Variants in ENPP3 observed in about 807,000 individuals in gnomAD.
The protein encoded by ENPP3 is ectonucleotide pyrophosphatase/phosphodiesterase 3, also known as ectonucleotide pyrophosphatase/phosphodiesterase family member 3.
Under a neutral mutation model 117.8 loss-of-function variants are expected in ENPP3, and 104 were observed. The ratio of observed to expected loss-of-function variants is 0.88; its 90% CI spans 0.75 to 1.04. The LOEUF (loss-of-function observed/expected upper bound fraction) is 1.04, where lower values mean the gene tolerates loss of function less well. Ranked by LOEUF, ENPP3 falls within the 50% of genes least tolerant of loss-of-function variation. The pLI is 0.00. For synonymous variants in ENPP3, 380 were observed against 349.9 expected (o/e 1.09, Z -0.96); for missense variants, 1,026 against 1,051.9 (o/e 0.98, Z 0.34).
At chr6:131,702,213 G>A (rs1295885148) in intron 15 of ENPP3, among the ~76,000 whole-genome samples, 5 of 151,972 alleles carry the variant, frequency 3.3e-5, no homozygotes, top group Non-Finnish European at 5.9e-5. Context: ...ACATGTCAAA[G>A]TCTTAAAACC....
At chr6:131,644,368 C>A (rs1459810660) in intron 2 of ENPP3, among the ~76,000 whole-genome samples, 2 of 152,126 alleles carry the variant, frequency 1.3e-5, no homozygotes. Context: ...GTAGAGAGAC[C>A]AATCAGGAGA....
At chr6:131,694,537 A>G (rs1488156843) in intron 15 of ENPP3, among the ~76,000 whole-genome samples, 1 of 152,198 alleles carries the variant, frequency 6.6e-6, no homozygotes, top group African/African-American at 2.4e-5. Flanking sequence ...TAGAATGACA[A>G]TGGCAATACA....
At chr6:131,663,494 C>G (rs553080172) in intron 6 of ENPP3, among the ~76,000 whole-genome samples, 2 of 142,938 alleles carry the variant, frequency 1.4e-5, no homozygotes, top group Admixed American at 7.2e-5. Flanking sequence ...CAAGATCAGC[C>G]TGAGCAACAA....
intron 1 of ENPP3, among the ~76,000 whole-genome samples, chr6:131,638,968 A>G (rs765542145): frequency 2.0e-5 from 3 of 151,740 alleles, no homozygotes; most frequent in Non-Finnish European, 2.9e-5. Context: ...GCCTGTTTCA[A>G]ATGCCTGCTT....
chr6:131,737,355 C>A lies in ENPP3; in HGVS notation c.2090C>A (p.Ala697Asp). 1.9e-6 allele frequency: 3 copies of A among 1,602,920 alleles called. No homozygotes were observed. Among genetic ancestry groups the A allele is most frequent in the Non-Finnish European group, 2.6e-6 (3 of 1,172,072 alleles). Reference protein sequence around the residue: ...NITHGFLYPPASNRTSDSQYD... With the variant: ...NITHGFLYPPDSNRTSDSQYD... ...CTAATAAGATCCATTTGTTTTGCAG[C>A]CAGCAATAGAACATCAGATAGCCAA... is the stretch of plus-strand genomic sequence containing the variant. The change falls in exon 22 of 25, where the codon GCC (alanine) becomes GAC (aspartate). Residue 697 changes from alanine to aspartate, a missense_variant and splice_region_variant. Ala to Asp is a moderately radical substitution (Grantham distance 126). Transcript: ENST00000357639.
chr6:131,679,344 C>G (rs1167082766), intron 11 of ENPP3, among the ~76,000 whole-genome samples: 1 of 151,984 alleles, frequency 6.6e-6, no homozygotes, highest in Non-Finnish European at 1.5e-5. Context: ...ATCCACCTGC[C>G]TCAGCCTCCC....
At chr6:131,727,329 G>T (rs1375223404) in intron 20 of ENPP3, among the ~76,000 whole-genome samples, 1 of 152,162 alleles carries the variant, frequency 6.6e-6, no homozygotes, top group Non-Finnish European at 1.5e-5. Context: ...GCCGAGGCAG[G>T]TGGATTACCT....
At chr6:131,661,821 A>G (rs1778507072) in intron 6 of ENPP3, among the ~76,000 whole-genome samples, 1 of 152,146 alleles carries the variant, frequency 6.6e-6, no homozygotes, top group South Asian at 2.1e-4. Flanking sequence ...ACATGGTTTG[A>G]AAGTGTTTTC....
At chr6:131,667,440 C>T (rs1399154410) in intron 6 of ENPP3, among the ~76,000 whole-genome samples, 2 of 152,160 alleles carry the variant, frequency 1.3e-5, no homozygotes, top group Non-Finnish European at 2.9e-5. Context: ...TGGTGAGTGC[C>T]TGTGTGCTCG....
chr6:131,697,846 G>A lies in ENPP3; in HGVS notation c.1412+4222G>A, dbSNP rs535807347. Among the ~76,000 whole-genome samples, 6 of 152,146 alleles carry A rather than the reference G, an allele frequency of 3.9e-5. No individual in the cohort carries two copies. In the South Asian group the frequency reaches 1.3e-3, roughly 32 times the overall value. Reference sequence around the variant, plus strand: ...TGTGGGTCCATGGCCCAGGGGTTGGGGACCCCTAGTCTAGTGTGAAACAGG... The same window carrying A: ...TGTGGGTCCATGGCCCAGGGGTTGGAGACCCCTAGTCTAGTGTGAAACAGG... On this transcript the variant is annotated intron_variant, in intron 15 of 24. Transcript: ENST00000357639.
chr6:131,650,519 G>A (rs911932991), intron 3 of ENPP3, among the ~76,000 whole-genome samples: 6 of 152,106 alleles, frequency 3.9e-5, no homozygotes, highest in African/African-American at 1.4e-4. Context: ...CACTATGCCA[G>A]GGCTGTGTCC....
chr6:131,690,306 T>C (rs971828760), intron 14 of ENPP3, among the ~76,000 whole-genome samples: 1 of 152,146 alleles, frequency 6.6e-6, no homozygotes, highest in Non-Finnish European at 1.5e-5. Context: ...TTCATTTCTG[T>C]CTCATTTTAA....
intron 24 of ENPP3, among the ~76,000 whole-genome samples, chr6:131,745,732 G>A (rs565030295): frequency 3.3e-5 from 5 of 152,274 alleles, no homozygotes; most frequent in African/African-American, 1.2e-4. Context: ...CAAAGATGTG[G>A]GGAAATGGGA....
chr6:131,693,414 T>A (rs1250027311), intron 14 of ENPP3, 83 bp from the exon 15 acceptor site: 11 of 1,251,290 alleles, frequency 8.8e-6, no homozygotes, highest in Non-Finnish European at 1.2e-5. Context: ...AAAAGGTGCT[T>A]CATAAATTGA....
In ENPP3 at chr6:131,724,088, G is replaced by GA. The variant is rs1780096316; in HGVS notation, c.1798dup (p.Ile600AsnfsTer15). 1.2e-6 allele frequency: 2 copies of GA among 1,606,988 alleles called. No homozygotes were observed. Among genetic ancestry groups the GA allele is most frequent in the Non-Finnish European group, 1.7e-6 (2 of 1,174,098 alleles). ...TCAGATGCTAAATCTCACCCAAGAA[G>GA]AAAGTAAGTCAATAGAAAACATGTT... On this transcript the variant is annotated frameshift_variant, in exon 19 of 25. Transcript: ENST00000357639. LOFTEE classifies it high-confidence loss of function.
chr6:131,717,346 C>CG (rs1183549477), intron 15 of ENPP3, among the ~76,000 whole-genome samples: 17 of 91,264 alleles, frequency 1.9e-4, no homozygotes, highest in African/African-American at 3.6e-4. Flanking sequence ...AGAAACCCTG[C>CG]GGGGGGTGTG....
intron 2 of ENPP3, among the ~76,000 whole-genome samples, chr6:131,648,766 A>G (rs993733643): frequency 6.6e-6 from 1 of 152,202 alleles, no homozygotes; most frequent in Admixed American, 6.5e-5. Flanking sequence ...ATCATAGGGA[A>G]TTATAGATAA....
intron 14 of ENPP3, among the ~76,000 whole-genome samples, chr6:131,691,568 G>C: frequency 6.9e-6 from 1 of 145,718 alleles, no homozygotes; most frequent in Non-Finnish European, 1.5e-5. Context: ...CAGCCTGAGT[G>C]ATAGAGCAAG....
intron 14 of ENPP3, among the ~76,000 whole-genome samples, chr6:131,688,225 C>T (rs942846217): frequency 5.3e-5 from 8 of 152,118 alleles, no homozygotes; most frequent in African/African-American, 7.2e-5. Context: ...ATATTACATG[C>T]GTGCTGATTG....
Sources: allele counts gnomAD v4.1 joint callset (sites outside exome capture counted in the v4.1 genomes callset), GRCh38; gene constraint gnomAD v4.1.1; transcripts MANE v1.5; gene names NCBI Gene and HGNC (gene_info 2026-07-23, HGNC 2026-07-21).